NUDT21: variants seen among roughly 807,000 people sequenced by gnomAD.
The protein encoded by NUDT21 is cleavage and polyadenylation specificity factor subunit 5.
Under a neutral mutation model 29.8 loss-of-function variants are expected in NUDT21, and 5 were observed. The observed-to-expected ratio is 0.17, with a 90% CI of 0.09 to 0.35. NUDT21 has a LOEUF of 0.35. Ranked by LOEUF, NUDT21 falls within the 10% of genes least tolerant of loss-of-function variation. The pLI, the probability that NUDT21 is intolerant of heterozygous loss-of-function variation, is 1.00. For missense variants in NUDT21, 76 were observed against 276.0 expected, an observed-to-expected ratio of 0.28 and a Z score of 5.13; for synonymous variants, 113 against 98.5, an observed-to-expected ratio of 1.15 and a Z score of -0.87.
At chr16:56,440,545 G>A (rs1596955596) in intron 3 of NUDT21, among the ~76,000 whole-genome samples, 1 of 152,252 alleles carries the variant, frequency 6.6e-6, no homozygotes, top group East Asian at 1.9e-4. Context: ...TAGCTTTGAG[G>A]AATACTGGTC....
At chr16:56,442,868 C>G (rs1419836437) in intron 3 of NUDT21, among the ~76,000 whole-genome samples, 3 of 152,076 alleles carry the variant, frequency 2.0e-5, no homozygotes, top group Non-Finnish European at 4.4e-5. Context: ...TAACTCTTTA[C>G]TGAATTTTTC....
intron 4 of NUDT21, chr16:56,439,296 G>A (rs960938593): frequency 1.2e-5 from 2 of 170,178 alleles, no homozygotes; most frequent in African/African-American, 2.4e-5. Flanking sequence ...CTCAGCCTCC[G>A]GAGTAGCTGG....
At chr16:56,437,546 G>A (rs1434701636) in intron 4 of NUDT21, among the ~76,000 whole-genome samples, 2 of 152,160 alleles carry the variant, frequency 1.3e-5, no homozygotes, top group African/African-American at 2.4e-5. Context: ...TTCCCTGTTT[G>A]CTGCCACTGT....
At chr16:56,446,193 A>G (rs1962219275) in intron 3 of NUDT21, among the ~76,000 whole-genome samples, 1 of 152,242 alleles carries the variant, frequency 6.6e-6, no homozygotes, top group South Asian at 2.1e-4. Context: ...GTGAAAACAC[A>G]GGCATCTTTC....
At chr16:56,438,432 A>T (rs1962127238) in intron 4 of NUDT21, among the ~76,000 whole-genome samples, 1 of 152,166 alleles carries the variant, frequency 6.6e-6, no homozygotes. Context: ...AAGTTTGCTA[A>T]CACACACACG....
chr16:56,441,080 A>T (rs1962154358), intron 3 of NUDT21, among the ~76,000 whole-genome samples: 1 of 151,696 alleles, frequency 6.6e-6, no homozygotes, highest in South Asian at 2.1e-4. Context: ...TTGCTCTGTC[A>T]CTCAGGCTGG....
chr16:56,445,828 A>G (rs1233557407), intron 3 of NUDT21, among the ~76,000 whole-genome samples: 1 of 152,210 alleles, frequency 6.6e-6, no homozygotes, highest in South Asian at 2.1e-4. Context: ...TGTACCATAC[A>G]TTATATAAAT....
chr16:56,437,128 G>C (rs1238313511), intron 4 of NUDT21, among the ~76,000 whole-genome samples: 2 of 152,270 alleles, frequency 1.3e-5, no homozygotes, highest in East Asian at 3.9e-4. Context: ...TTCTTAGGTA[G>C]TGAACACCAG....
chr16:56,450,992 A>G, intron 1 of NUDT21, 95 bp downstream of exon 1: 1 of 1,001,942 alleles, frequency 1.0e-6, no homozygotes, highest in East Asian at 2.5e-5. Context: ...GGGGAGGTGC[A>G]GAGGCGTGAA....
chr16:56,449,547 T>C (rs1388534566), intron 1 of NUDT21, among the ~76,000 whole-genome samples: 1 of 152,220 alleles, frequency 6.6e-6, no homozygotes, highest in African/African-American at 2.4e-5. Context: ...AGAGGAAATG[T>C]ACTGTAAATC....
At chr16:56,438,815 T>G (rs1232172636) in intron 4 of NUDT21, among the ~76,000 whole-genome samples, 1 of 149,852 alleles carries the variant, frequency 6.7e-6, no homozygotes, top group Non-Finnish European at 1.5e-5. Flanking sequence ...AGGTGCCAAG[T>G]GTGTAAAAGA....
intron 6 of NUDT21, among the ~76,000 whole-genome samples, chr16:56,433,677 T>G (rs1962062066): frequency 6.6e-6 from 1 of 152,192 alleles, no homozygotes; most frequent in Admixed American, 6.5e-5. Flanking sequence ...ACCAAGATAT[T>G]CGATTTGCCA....
chr16:56,439,649 A>G lies in NUDT21; in HGVS notation c.471+8T>C. 1.9e-6 allele frequency: 3 copies of G among 1,587,072 alleles called. No individual in the cohort carries two copies. The highest frequency in any genetic ancestry group is 2.6e-6 in the Non-Finnish European group (3 of 1,155,270). On this transcript the variant is annotated splice_region_variant and intron_variant, in intron 4 of 6. Coordinates refer to ENST00000300291, the MANE Select transcript of NUDT21 (RefSeq NM_007006.3). Reference sequence around the variant, plus strand: ...CAAAATGCCCAGCAAATGTAACTGAACACTGACCTGAGGAGGTTCAAAATT... The same window carrying G: ...CAAAATGCCCAGCAAATGTAACTGAGCACTGACCTGAGGAGGTTCAAAATT...
In NUDT21 at chr16:56,431,416, G is replaced by GAAAA. The variant is rs1294921577; in HGVS notation, c.*1295_*1296insTTTT. The GAAAA allele has an allele frequency of 2.0e-5, 3 of 152,158 alleles. No homozygotes were observed. The highest frequency in any genetic ancestry group is 4.8e-5 in the African/African-American group (2 of 41,428). The allele number at this position is 152,158 out of a possible 1,614,324, so 9.4% of individuals were successfully genotyped here. The stretch of plus-strand genomic sequence containing the variant: ...CATGACCCCAACTAAAAAAACTTGA[G>GAAAA]TGTTTATTAATTGCTCAGCTACACT... On this transcript the variant is annotated 3_prime_UTR_variant, in exon 7 of 7. Transcript: ENST00000300291.
intron 4 of NUDT21, chr16:56,439,376 T>A (rs956511458): frequency 3.2e-6 from 1 of 314,948 alleles, no homozygotes; most frequent in Non-Finnish European, 6.1e-6. Context: ...TTTCACCATG[T>A]TGGCCAGGCT....
intron 3 of NUDT21, among the ~76,000 whole-genome samples, chr16:56,440,206 C>T (rs1285334744): frequency 2.0e-5 from 3 of 152,016 alleles, no homozygotes; most frequent in Non-Finnish European, 2.9e-5. Context: ...CTTAAATAAA[C>T]GGTTTATTTT....
In NUDT21 at chr16:56,434,832, G is replaced by A. The variant is rs1962076847; in HGVS notation, c.472-3C>T. On this transcript the variant is annotated splice_region_variant and splice_polypyrimidine_tract_variant and intron_variant, in intron 4 of 6. Transcript: ENST00000300291. ...ATATGTGCAGGAATATATGGATACT[G>A]AAATTACAAATGAATACAACTTTAA... is the stretch of plus-strand genomic sequence containing the variant. 4 of 1,527,632 alleles carry A rather than the reference G, an allele frequency of 2.6e-6. No homozygotes were observed. Among genetic ancestry groups the A allele is most frequent in the South Asian group, 1.1e-5 (1 of 88,204 alleles). The allele number at this position is 1,527,632 out of a possible 1,614,324, so 94.6% of individuals were successfully genotyped here.
intron 1 of NUDT21, among the ~76,000 whole-genome samples, chr16:56,450,278 C>T (rs1962274054): frequency 6.6e-6 from 1 of 152,178 alleles, no homozygotes; most frequent in Admixed American, 6.5e-5. Flanking sequence ...TTAAGACACC[C>T]CAAACGCCAA....
In NUDT21 at chr16:56,451,188, C is replaced by A; in HGVS notation, c.15G>T (p.Pro5=). ...GCCAGCCGGTCTGCGAGCGATTGGG[C>A]GGTACCACAGACATGCTGGCGAGCT... MSVV[P]PNRSQTGWPR... Residue 5 remains proline (P), a synonymous_variant, in exon 1 of 7, where the codon CCG becomes CCT. Coordinates refer to ENST00000300291, the MANE Select transcript of NUDT21 (RefSeq NM_007006.3). The A allele has an allele frequency of 6.2e-7, 1 of 1,609,402 alleles. No individual in the cohort carries two copies. The highest frequency in any genetic ancestry group is 1.1e-5 in the South Asian group (1 of 90,480).
Sources: allele counts gnomAD v4.1 joint callset (sites outside exome capture counted in the v4.1 genomes callset), GRCh38; gene constraint gnomAD v4.1.1; transcripts MANE v1.5; gene names NCBI Gene and HGNC (gene_info 2026-07-23, HGNC 2026-07-21).